Variants in GHR observed in about 807,000 individuals in gnomAD.
GHR encodes the protein GH receptor.
In GHR, 35 loss-of-function variants were observed where a neutral mutation model predicts 67.1. The observed-to-expected ratio is 0.52, with a 90% CI of 0.40 to 0.69. The LOEUF (loss-of-function observed/expected upper bound fraction) is 0.69, where lower values mean the gene tolerates loss of function less well. Among genes scored for constraint, GHR ranks in the 30% least tolerant of loss-of-function variants. The pLI is 0.00. For missense variants in GHR, 792 were observed against 764.6 expected (o/e 1.04, Z -0.42); for synonymous variants, 272 against 269.1 (o/e 1.01, Z -0.10).
intron 1 of GHR, among the ~76,000 whole-genome samples, chr5:42,491,941 G>A (rs1746134493): frequency 6.6e-6 from 1 of 152,170 alleles, no homozygotes. Flanking sequence ...CCTGGATATG[G>A]AGACCTTGAA....
At chr5:42,579,121 A>AGAT (rs1750963528) in intron 2 of GHR, among the ~76,000 whole-genome samples, 1 of 80,542 alleles carries the variant, frequency 1.2e-5, no homozygotes, top group African/African-American at 5.6e-5. Flanking sequence ...ATAGATAGAT[A>AGAT]GATAGATAGA....
chr5:42,493,277 AG>A (rs1355047913), intron 1 of GHR, among the ~76,000 whole-genome samples: 11 of 152,176 alleles, frequency 7.2e-5, no homozygotes, highest in Admixed American at 3.3e-4. Context: ...TGTAGAATGG[AG>A]AAGGAGTTTG....
At chr5:42,613,892 C>T (rs1753009821) in intron 2 of GHR, among the ~76,000 whole-genome samples, 1 of 152,024 alleles carries the variant, frequency 6.6e-6, no homozygotes, top group Non-Finnish European at 1.5e-5. Flanking sequence ...ATTGCTAAGT[C>T]TAAATGATTG....
At chr5:42,456,030 G>A (rs997656095) in intron 1 of GHR, among the ~76,000 whole-genome samples, 7 of 152,096 alleles carry the variant, frequency 4.6e-5, no homozygotes, top group African/African-American at 9.7e-5. Flanking sequence ...TAGAAATTTC[G>A]GGCCACACAC....
chr5:42,551,060 A>T (rs1749004340), intron 1 of GHR, among the ~76,000 whole-genome samples: 1 of 152,092 alleles, frequency 6.6e-6, no homozygotes, highest in Non-Finnish European at 1.5e-5. Flanking sequence ...CATTATATCC[A>T]CTGACAGATC....
At chr5:42,574,836 T>C (rs1750559609) in intron 2 of GHR, among the ~76,000 whole-genome samples, 1 of 152,132 alleles carries the variant, frequency 6.6e-6, no homozygotes, top group African/African-American at 2.4e-5. Context: ...CACCCAAAGG[T>C]GGAAACTTTT....
At chr5:42,541,042 C>T (rs962903243) in intron 1 of GHR, among the ~76,000 whole-genome samples, 2 of 151,412 alleles carry the variant, frequency 1.3e-5, no homozygotes, top group South Asian at 2.1e-4. Flanking sequence ...GAATTACCCA[C>T]CATGTTTTAC....
At chr5:42,514,361 C>G in intron 1 of GHR, 1 of 974,838 alleles carries the variant, frequency 1.0e-6, no homozygotes, top group Non-Finnish European at 1.2e-6. Context: ...CCTCTGATAA[C>G]CAGGTCTCTC....
chr5:42,556,293 AG>A (rs1283185349), intron 1 of GHR, among the ~76,000 whole-genome samples: 2 of 152,182 alleles, frequency 1.3e-5, no homozygotes, highest in Non-Finnish European at 2.9e-5. Flanking sequence ...AATCATTGTT[AG>A]ATTATATCTC....
chr5:42,439,132 C>T (rs1743458635), intron 1 of GHR, among the ~76,000 whole-genome samples: 1 of 152,048 alleles, frequency 6.6e-6, no homozygotes, highest in Non-Finnish European at 1.5e-5. Context: ...ACAATGACAT[C>T]TCTAGGATTG....
chr5:42,527,428 C>G (rs1293030407), intron 1 of GHR, among the ~76,000 whole-genome samples: 1 of 152,144 alleles, frequency 6.6e-6, no homozygotes, highest in African/African-American at 2.4e-5. Context: ...TTCAGACAAA[C>G]AGACTTTAAA....
intron 2 of GHR, among the ~76,000 whole-genome samples, chr5:42,566,953 T>A (rs921062803): frequency 1.3e-5 from 2 of 152,222 alleles, no homozygotes; most frequent in African/African-American, 4.8e-5. Flanking sequence ...TAAAATATGT[T>A]ATTTTATCTC....
intron 1 of GHR, among the ~76,000 whole-genome samples, chr5:42,496,623 C>T (rs1746332426): frequency 1.3e-5 from 2 of 152,096 alleles, no homozygotes; most frequent in Non-Finnish European, 2.9e-5. Context: ...CTTGTTATAG[C>T]TGTTAAAGGA....
intron 2 of GHR, among the ~76,000 whole-genome samples, chr5:42,572,981 A>G (rs929317663): frequency 6.6e-6 from 1 of 152,204 alleles, no homozygotes; most frequent in Non-Finnish European, 1.5e-5. Flanking sequence ...TGAGCTTGAA[A>G]TAAATACAGT....
At chr5:42,528,186 G>C (rs978141076) in intron 1 of GHR, among the ~76,000 whole-genome samples, 3 of 152,006 alleles carry the variant, frequency 2.0e-5, no homozygotes, top group African/African-American at 7.2e-5. Context: ...AATACATCTT[G>C]TAAGGCTATA....
chr5:42,665,366 G>C (rs1755903372), intron 3 of GHR, among the ~76,000 whole-genome samples: 1 of 152,178 alleles, frequency 6.6e-6, no homozygotes, highest in African/African-American at 2.4e-5. Flanking sequence ...AACAATGATA[G>C]ACTGGATTAA....
At position 42,703,183 on chromosome 5, in the gene GHR, G is replaced by A. The variant is rs530556670; in HGVS notation, c.618+3181G>A. 1.5e-3 allele frequency among the ~76,000 whole-genome samples: 235 copies of A among 152,098 alleles called. 1 individual carries two copies. Among genetic ancestry groups the A allele is most frequent in the African/African-American group, 5.5e-3 (227 of 41,558 alleles). On this transcript the variant is annotated intron_variant, in intron 6 of 9. Transcript: ENST00000230882. ...TATATTTTCTTCCAGTAGTTGTACA[G>A]TTTCAGGTTTTACATTTAAGTCTTT... is the stretch of plus-strand genomic sequence containing the variant.
intron 2 of GHR, among the ~76,000 whole-genome samples, chr5:42,594,236 A>G (rs1751947602): frequency 6.6e-6 from 1 of 152,214 alleles, no homozygotes; most frequent in African/African-American, 2.4e-5. Flanking sequence ...TCTGTTTATA[A>G]AAGTACAAAA....
chr5:42,547,116 A>G (rs1748771196), intron 1 of GHR, among the ~76,000 whole-genome samples: 1 of 152,222 alleles, frequency 6.6e-6, no homozygotes, highest in Non-Finnish European at 1.5e-5. Context: ...AAATCTAGTC[A>G]TTGTCAACTA....
Sources: allele counts gnomAD v4.1 joint callset (sites outside exome capture counted in the v4.1 genomes callset), GRCh38; gene constraint gnomAD v4.1.1; transcripts MANE v1.5; gene names NCBI Gene and HGNC (gene_info 2026-07-23, HGNC 2026-07-21).